SPIDR: variants seen among roughly 807,000 people sequenced by gnomAD.
The protein encoded by SPIDR is scaffold protein involved in DNA repair.
In SPIDR, 93 loss-of-function variants were observed where a neutral mutation model predicts 104.6. The observed-to-expected ratio is 0.89, with a 90% CI of 0.75 to 1.06. The LOEUF (loss-of-function observed/expected upper bound fraction) is 1.06. SPIDR is among the 50% of genes least tolerant of loss of function. The pLI is 0.00. For synonymous variants in SPIDR, 431 were observed against 416.9 expected (o/e 1.03, Z -0.41); for missense variants, 1,154 against 1,111.2 (o/e 1.04, Z -0.55).
intron 8 of SPIDR, among the ~76,000 whole-genome samples, chr8:47,532,524 A>AATT (rs1266021033): frequency 1.3e-5 from 2 of 152,240 alleles, no homozygotes; most frequent in African/African-American, 4.8e-5. Context: ...GAGCAAGAAA[A>AATT]ATTATCAAAG....
At position 47,729,453 on chromosome 8, in the gene SPIDR, C is replaced by T. The variant is rs767871761; in HGVS notation, c.2592C>T (p.Ala864=). ...RSISSLLRFA[A]GEDGSYEVKS... ...TTTCCTCCCTGCTGAGGTTTGCCGCCGGTGAAGATGGGGTAAGTGCAGGGG... is the reference window on the plus strand; with the variant it reads ...TTTCCTCCCTGCTGAGGTTTGCCGCTGGTGAAGATGGGGTAAGTGCAGGGG... Residue 864 remains alanine (A), a synonymous_variant, in exon 19 of 20, where the codon GCC becomes GCT. Coordinates refer to ENST00000297423, the MANE Select transcript of SPIDR (RefSeq NM_001080394.4). 22 of 1,597,788 alleles carry T rather than the reference C, an allele frequency of 1.4e-5. No homozygotes were observed. The highest frequency in any genetic ancestry group is 2.3e-5 in the South Asian group (2 of 87,722).
intron 7 of SPIDR, among the ~76,000 whole-genome samples, chr8:47,420,612 A>G (rs529258558): frequency 1.3e-5 from 2 of 152,300 alleles, no homozygotes; most frequent in African/African-American, 2.4e-5. Context: ...TAGCCCATTT[A>G]CATTTAAAGT....
At chr8:47,452,587 T>G (rs1051949281) in intron 8 of SPIDR, among the ~76,000 whole-genome samples, 1 of 152,276 alleles carries the variant, frequency 6.6e-6, no homozygotes, top group East Asian at 1.9e-4. Flanking sequence ...TAATCCAGCA[T>G]ATAAACAGAA....
At chr8:47,670,006 T>G (rs952910675) in intron 10 of SPIDR, among the ~76,000 whole-genome samples, 2 of 151,902 alleles carry the variant, frequency 1.3e-5, no homozygotes, top group Non-Finnish European at 1.5e-5. Context: ...TTCAAAAGAA[T>G]TAATCAATAA....
intron 8 of SPIDR, among the ~76,000 whole-genome samples, chr8:47,550,491 A>G (rs748581684): frequency 6.6e-6 from 1 of 152,152 alleles, no homozygotes; most frequent in Non-Finnish European, 1.5e-5. Flanking sequence ...CATCCCTAGT[A>G]AGTTGGATTC....
chr8:47,342,328 CTTTTTTTTTT>C (rs11357859), intron 5 of SPIDR, among the ~76,000 whole-genome samples: 2 of 68,916 alleles, frequency 2.9e-5, no homozygotes, highest in African/African-American at 6.4e-5. Flanking sequence ...TTTCAAAGGT[CTTTTTTTTTT>C]TTTTTTTTTT....
chr8:47,653,929 A>C (rs1202646567), intron 10 of SPIDR: 1 of 961,020 alleles, frequency 1.0e-6, no homozygotes, highest in Non-Finnish European at 1.2e-6. Context: ...TATGGGAATA[A>C]GAGAAGTCTT....
At chr8:47,464,657 A>T (rs6472452) in intron 8 of SPIDR, among the ~76,000 whole-genome samples, 110,244 of 151,476 alleles carry the variant, frequency 0.73, 40,190 homozygotes, top group East Asian at 0.82. Context: ...TGTCTTGTCT[A>T]GTCCTGTCCT....
chr8:47,597,532 A>G (rs1242317676), intron 9 of SPIDR, among the ~76,000 whole-genome samples: 1 of 152,218 alleles, frequency 6.6e-6, no homozygotes, highest in African/African-American at 2.4e-5. Context: ...ACGGTCAAAC[A>G]TGCTGTCCAT....
chr8:47,381,621 G>A (rs1266966524), intron 5 of SPIDR, among the ~76,000 whole-genome samples: 2 of 152,128 alleles, frequency 1.3e-5, no homozygotes, highest in East Asian at 1.9e-4. Context: ...GATCCTATTC[G>A]GGCAGGTCTG....
intron 5 of SPIDR, among the ~76,000 whole-genome samples, chr8:47,333,513 A>T (rs1336888606): frequency 6.6e-6 from 1 of 152,038 alleles, no homozygotes; most frequent in Non-Finnish European, 1.5e-5. Flanking sequence ...CATGTTGGCC[A>T]GGCTGGTCTC....
chr8:47,510,656 GAATTGT>G (rs1490534326), intron 8 of SPIDR, among the ~76,000 whole-genome samples: 3 of 151,928 alleles, frequency 2.0e-5, no homozygotes, highest in African/African-American at 7.2e-5. Context: ...TATACTTGTT[GAATTGT>G]TGATAGAGTC....
chr8:47,686,187 A>G (rs1423486823), intron 11 of SPIDR, among the ~76,000 whole-genome samples: 14 of 152,226 alleles, frequency 9.2e-5, no homozygotes, highest in Admixed American at 8.5e-4. Flanking sequence ...TTAATTGCCC[A>G]TATAAACATT....
intron 5 of SPIDR, among the ~76,000 whole-genome samples, chr8:47,389,321 CAA>C (rs782283690): frequency 2.0e-5 from 3 of 151,998 alleles, no homozygotes; most frequent in Non-Finnish European, 2.9e-5. Flanking sequence ...AAAAGAAAAA[CAA>C]ATTTAAATCT....
At chr8:47,403,855 C>T (rs1020611475) in intron 6 of SPIDR, among the ~76,000 whole-genome samples, 2 of 151,978 alleles carry the variant, frequency 1.3e-5, no homozygotes, top group Non-Finnish European at 2.9e-5. Flanking sequence ...AAAAATACTT[C>T]AAAGTTCATA....
rs1326007660 is a variant in SPIDR at position 47,718,636 on chromosome 8, G to A, written c.2341+4995G>A. Among the ~76,000 whole-genome samples, 7 of 151,566 alleles carry A rather than the reference G, an allele frequency of 4.6e-5. No homozygotes were observed. The East Asian group carries it at 5.8e-4, about 13-fold the overall frequency. On this transcript the variant is annotated intron_variant, in intron 16 of 19. Transcript: ENST00000297423. The stretch of plus-strand genomic sequence containing the variant: ...GTCACCTTTCATTTTTTCATTGCAC[G>A]TTGATAAAACTTTATTTTATAAAGT...
intron 1 of SPIDR, among the ~76,000 whole-genome samples, chr8:47,278,176 T>G (rs2036970331): frequency 6.6e-6 from 1 of 152,004 alleles, no homozygotes; most frequent in East Asian, 1.9e-4. Context: ...TTTTTGTTTT[T>G]GGAGATAGGA....
chr8:47,371,907 C>T (rs990777487), intron 5 of SPIDR, among the ~76,000 whole-genome samples: 4 of 152,168 alleles, frequency 2.6e-5, no homozygotes, highest in South Asian at 4.1e-4. Context: ...TCCCCTGGTT[C>T]TGCCGTATTG....
At chr8:47,506,816 A>G (rs2154374157) in intron 8 of SPIDR, among the ~76,000 whole-genome samples, 1 of 152,258 alleles carries the variant, frequency 6.6e-6, no homozygotes, top group South Asian at 2.1e-4. Context: ...TCATGATAGA[A>G]GGGATTGAGT....
Sources: gnomAD v4.1 joint callset for allele counts (sites outside exome capture counted in the v4.1 genomes callset) on GRCh38, gnomAD v4.1.1 for gene constraint, MANE v1.5 for transcripts, NCBI Gene and HGNC (gene_info 2026-07-23, HGNC 2026-07-21) for gene names.